The following ATP6V1B2 variants were observed in gnomAD, a reference collection of about 807,000 sequenced individuals.
The protein encoded by ATP6V1B2 is V-type proton ATPase subunit B, brain isoform.
ATP6V1B2 carries 23 observed loss-of-function variants against 66.7 expected under a neutral mutation model. The observed-to-expected ratio is 0.34, with a 90% CI of 0.25 to 0.49. The LOEUF is 0.49. ATP6V1B2 is among the 20% of genes least tolerant of loss of function. ATP6V1B2 has a pLI of 0.99. For synonymous variants in ATP6V1B2, 278 were observed against 236.7 expected (o/e 1.17, Z -1.60); for missense variants, 478 against 650.8 (o/e 0.73, Z 2.89).
chr8:20,220,388 T>G lies in ATP6V1B2; in HGVS notation c.1522T>G (p.Ser508Ala). The change falls in exon 14 of 14, where the codon TCT (serine) becomes GCT (alanine). Residue 508 changes from serine to alanine, a missense_variant. Around this residue, in one of 2 missense-constraint regions of ATP6V1B2, gnomAD observed 326 missense variants for 545.6 expected, o/e 0.60. Coordinates refer to ENST00000276390, the MANE Select transcript of ATP6V1B2 (RefSeq NM_001693.4). ...STLSEFYPRD[S>A]AKH ...CCTCAGCGAATTTTACCCTCGAGAC[T>G]CTGCAAAGCATTAGCTGCTGCTTCT... The G allele has an allele frequency of 6.3e-7, 1 of 1,578,038 alleles. No individual in the cohort carries two copies. The highest frequency in any genetic ancestry group is 8.6e-7 in the Non-Finnish European group (1 of 1,167,754).
chr8:20,217,021 C>T (rs1563816958), intron 11 of ATP6V1B2, 199 bp from the exon 12 acceptor site: 8 of 551,774 alleles, frequency 1.4e-5, no homozygotes, highest in Non-Finnish European at 2.6e-5. Context: ...ATTTGATTCT[C>T]GAAAGAAATG....
chr8:20,197,566 C>G, intron 1 of ATP6V1B2, 24 bp downstream of exon 1: 1 of 1,351,866 alleles, frequency 7.4e-7, no homozygotes, highest in Non-Finnish European at 9.6e-7. Context: ...AGTAATACGT[C>G]TCCGGTCTTT....
chr8:20,200,518 A>G (rs1201900864), intron 1 of ATP6V1B2, among the ~76,000 whole-genome samples: 1 of 152,220 alleles, frequency 6.6e-6, no homozygotes, highest in Non-Finnish European at 1.5e-5. Flanking sequence ...AATAGCTTCA[A>G]GATTATAGGA....
At chr8:20,200,435 A>G (rs1373521764) in intron 1 of ATP6V1B2, among the ~76,000 whole-genome samples, 1 of 152,208 alleles carries the variant, frequency 6.6e-6, no homozygotes, top group African/African-American at 2.4e-5. Flanking sequence ...TTAAACTCAA[A>G]AAGCTTTGTT....
chr8:20,210,485 A>G (rs553914433), intron 4 of ATP6V1B2, 46 bp downstream of exon 4: 1 of 1,607,580 alleles, frequency 6.2e-7, no homozygotes, highest in Admixed American at 1.7e-5. Flanking sequence ...TTTCCTTTTA[A>G]ACATATTTCC....
At chr8:20,197,660 C>T in intron 1 of ATP6V1B2, 118 bp downstream of exon 1, 5 of 1,216,608 alleles carry the variant, frequency 4.1e-6, no homozygotes, top group African/African-American at 1.6e-5. Flanking sequence ...CCCGCGTCTC[C>T]CCTCCGACCC....
intron 9 of ATP6V1B2, chr8:20,213,276 T>A (rs141668895): frequency 3.5e-4 from 90 of 254,938 alleles, no homozygotes; most frequent in African/African-American, 1.5e-3. Flanking sequence ...GTTAATATTT[T>A]ATAAAGACCC....
At chr8:20,197,604 G>C (rs2072641626) in intron 1 of ATP6V1B2, 62 bp downstream of exon 1, 7 of 1,309,724 alleles carry the variant, frequency 5.3e-6, no homozygotes, top group Non-Finnish European at 6.9e-6. Flanking sequence ...TTTGCTCCCA[G>C]TCACCTGCTT....
chr8:20,212,738 G>T (rs1225796346), intron 8 of ATP6V1B2, 44 bp from the exon 9 acceptor site: 1 of 1,583,242 alleles, frequency 6.3e-7, no homozygotes, highest in Non-Finnish European at 8.5e-7. Flanking sequence ...TTTTCTTTTT[G>T]GTCTTTTGGT....
Position 20,209,408 on chromosome 8 carries a change from T to A in ATP6V1B2, c.193-25T>A, listed in dbSNP as rs749345415. On this transcript the variant is annotated intron_variant, in intron 2 of 13. Transcript: ENST00000276390. ...GGGGGGCTTGTAAAATGTCGGATAT[T>A]GATCCTTTATTTTTTTCTCTTTAGT... The A allele has an allele frequency of 1.2e-5, 19 of 1,605,820 alleles. No homozygotes were observed. The East Asian group carries it at 4.2e-4, about 36-fold the overall frequency.
At chr8:20,207,534 A>G (rs1489576536) in intron 2 of ATP6V1B2, among the ~76,000 whole-genome samples, 1 of 152,100 alleles carries the variant, frequency 6.6e-6, no homozygotes, top group African/African-American at 2.4e-5. Context: ...ACTAACCTGC[A>G]CATTGTGCGC....
intron 9 of ATP6V1B2, chr8:20,213,577 A>G (rs1462137688): frequency 2.0e-5 from 3 of 152,544 alleles, no homozygotes; most frequent in African/African-American, 7.2e-5. Context: ...GCTTGAGTCC[A>G]GTAATTTGAG....
chr8:20,198,715 C>A (rs566488826), intron 1 of ATP6V1B2, among the ~76,000 whole-genome samples: 1 of 152,170 alleles, frequency 6.6e-6, no homozygotes, highest in Non-Finnish European at 1.5e-5. Context: ...TGAAGCCTGA[C>A]TAATCCACAT....
At chr8:20,220,167 A>G (rs896460211) in intron 13 of ATP6V1B2, 96 bp from the exon 14 acceptor site, 40 of 1,406,994 alleles carry the variant, frequency 2.8e-5, no homozygotes, top group Middle Eastern at 3.7e-4. Context: ...TTCAATATCT[A>G]TTTAATACAC....
intron 1 of ATP6V1B2, among the ~76,000 whole-genome samples, chr8:20,201,037 G>C (rs2072680310): frequency 6.6e-6 from 1 of 152,222 alleles, no homozygotes; most frequent in Non-Finnish European, 1.5e-5. Context: ...GATGTCATCT[G>C]ATAAAATATG....
chr8:20,217,425 C>A, intron 12 of ATP6V1B2, 101 bp downstream of exon 12: 1 of 1,068,604 alleles, frequency 9.4e-7, no homozygotes, highest in Non-Finnish European at 1.4e-6. Flanking sequence ...CTTCCCCATC[C>A]ACATGGAATT....
rs369198184 is a variant in ATP6V1B2 at position 20,212,199 on chromosome 8, C to T, written c.803C>T (p.Thr268Ile). ...CLFLNLANDP[T>I]IERIITPRLA... ...TTTTTGAACTTGGCTAATGACCCAACGTAAGTAACAGAGCTATTTCTTTCT... is the reference window on the plus strand; with the variant it reads ...TTTTTGAACTTGGCTAATGACCCAATGTAAGTAACAGAGCTATTTCTTTCT... Residue 268 changes from threonine (T) to isoleucine (I), a missense_variant and splice_region_variant, in exon 8 of 14, where the codon ACC (threonine) becomes ATC (isoleucine). By Grantham distance (89) the Thr-to-Ile change is moderately conservative (BLOSUM62 -1). Transcript: ENST00000276390. 7 of 1,612,342 alleles carry T rather than the reference C, an allele frequency of 4.3e-6. No individual in the cohort carries two copies. Among genetic ancestry groups the T allele is most frequent in the East Asian group, 2.2e-5 (1 of 44,840 alleles).
intron 1 of ATP6V1B2, among the ~76,000 whole-genome samples, chr8:20,200,192 A>G (rs1162402049): frequency 6.7e-6 from 1 of 149,664 alleles, no homozygotes; most frequent in Non-Finnish European, 1.5e-5. Flanking sequence ...TTTATTTTTT[A>G]TTTTTGGTAG....
Position 20,217,274 on chromosome 8 carries a change from A to G in ATP6V1B2, c.1216A>G (p.Ile406Val), listed in dbSNP as rs776846749. 19 of 1,613,402 alleles carry G rather than the reference A, an allele frequency of 1.2e-5. No individual in the cohort carries two copies. In the Admixed American group the frequency reaches 2.2e-4, roughly 18 times the overall value. ...ACTATCACGGTTAATGAAGTCTGCT[A>G]TTGGAGAAGGGATGACCAGGAAGGA... Reference protein sequence around the residue: ...PSLSRLMKSAIGEGMTRKDHA... With the variant: ...PSLSRLMKSAVGEGMTRKDHA... Residue 406 changes from isoleucine (I) to valine (V), a missense_variant, in exon 12 of 14, where the codon ATT (isoleucine) becomes GTT (valine). Coordinates refer to ENST00000276390, the MANE Select transcript of ATP6V1B2 (RefSeq NM_001693.4).
Sources: allele counts gnomAD v4.1 joint callset (sites outside exome capture counted in the v4.1 genomes callset), GRCh38; gene constraint gnomAD v4.1.1; regional missense constraint gnomAD v4.1.1; transcripts MANE v1.5; gene names NCBI Gene and HGNC (gene_info 2026-07-23, HGNC 2026-07-21).